The following MROH9 variants were observed in gnomAD, a reference collection of about 807,000 sequenced individuals.
MROH9 encodes maestro heat-like repeat-containing protein family member 9.
MROH9 carries 92 observed loss-of-function variants against 98.2 expected under a neutral mutation model. The observed-to-expected ratio is 0.94, with a 90% CI of 0.79 to 1.11. The LOEUF is 1.11. MROH9 is among the 50% of genes most tolerant of loss of function. MROH9 has a pLI of 0.00. For missense variants in MROH9, 1,057 were observed against 1,014.8 expected, an observed-to-expected ratio of 1.04 and a Z score of -0.57; for synonymous variants, 397 against 368.9, an observed-to-expected ratio of 1.08 and a Z score of -0.87.
chr1:170,943,939 G>A (rs1649220930), intron 1 of MROH9, among the ~76,000 whole-genome samples: 4 of 151,940 alleles, frequency 2.6e-5, no homozygotes, highest in Admixed American at 1.3e-4. Context: ...AGACATAAAG[G>A]AAGTAGGATT....
At chr1:170,943,212 T>C (rs964634198) in intron 1 of MROH9, among the ~76,000 whole-genome samples, 4 of 152,074 alleles carry the variant, frequency 2.6e-5, no homozygotes, top group African/African-American at 9.7e-5. Context: ...ATTTTATCTA[T>C]AAAATGTGAT....
In MROH9 at chr1:171,052,005, T is replaced by A. The variant is rs146160317; in HGVS notation, c.2282-10127T>A. Among the ~76,000 whole-genome samples, 13 of 152,230 alleles carry A rather than the reference T, an allele frequency of 8.5e-5. No homozygotes were observed. In the East Asian group the frequency reaches 2.5e-3, roughly 29 times the overall value. Reference sequence around the variant, plus strand: ...GTTATTGCTTGTATGTCTAGTAGAATTCAACTGTGGATCAGTCTGGTCTTG... The same window carrying A: ...GTTATTGCTTGTATGTCTAGTAGAAATCAACTGTGGATCAGTCTGGTCTTG... On this transcript the variant is annotated intron_variant, in intron 20 of 21. Transcript: ENST00000367759.
chr1:170,983,577 T>C (rs756627786), intron 9 of MROH9, 43 bp downstream of exon 9: 2 of 1,123,478 alleles, frequency 1.8e-6, no homozygotes, highest in Middle Eastern at 2.0e-4. Context: ...TGTTTATGTG[T>C]ATGATTACTC....
At chr1:170,990,676 A>G (rs116044669) in intron 11 of MROH9, among the ~76,000 whole-genome samples, 2,517 of 152,252 alleles carry the variant, frequency 0.017, 70 homozygotes, top group African/African-American at 0.058. Context: ...AGAGAGTTTT[A>G]TTTTGAAGAG....
intron 11 of MROH9, among the ~76,000 whole-genome samples, chr1:170,991,254 A>G (rs1651343544): frequency 6.6e-6 from 1 of 152,054 alleles, no homozygotes; most frequent in African/African-American, 2.4e-5. Flanking sequence ...TTGGAGTGAA[A>G]CTAAACCAAA....
intron 20 of MROH9, among the ~76,000 whole-genome samples, chr1:171,027,514 T>C (rs1264462866): frequency 2.6e-5 from 4 of 152,222 alleles, no homozygotes; most frequent in Non-Finnish European, 5.9e-5. Context: ...GCAATAAACA[T>C]ACATGTGCAC....
At chr1:171,047,037 A>G (rs1197910399) in intron 20 of MROH9, among the ~76,000 whole-genome samples, 1 of 152,116 alleles carries the variant, frequency 6.6e-6, no homozygotes, top group Non-Finnish European at 1.5e-5. Flanking sequence ...TGCCAGATGT[A>G]TTGGAGTTCC....
chr1:171,061,104 G>T (rs1281327586), intron 20 of MROH9, among the ~76,000 whole-genome samples: 2 of 152,022 alleles, frequency 1.3e-5, no homozygotes, highest in Non-Finnish European at 2.9e-5. Flanking sequence ...CATCCAAATG[G>T]CCAGTAAATA....
chr1:170,956,582 C>CT (rs869218785), intron 3 of MROH9, among the ~76,000 whole-genome samples: 6,337 of 114,578 alleles, frequency 0.055, 551 homozygotes, highest in African/African-American at 0.21. Context: ...TTTCTCTTTC[C>CT]TTTTTTTTTT....
intron 1 of MROH9, among the ~76,000 whole-genome samples, chr1:170,939,789 C>T (rs1169552450): frequency 6.6e-6 from 1 of 152,156 alleles, no homozygotes; most frequent in African/African-American, 2.4e-5. Context: ...AGCATTCAGT[C>T]TCTACTAAGG....
chr1:170,958,833 G>A (rs571969426), intron 4 of MROH9, among the ~76,000 whole-genome samples: 1 of 152,166 alleles, frequency 6.6e-6, no homozygotes, highest in Admixed American at 6.6e-5. Context: ...ACAGAAAATG[G>A]GTCAGTAATA....
At chr1:171,020,090 C>G (rs187202925) in intron 17 of MROH9, among the ~76,000 whole-genome samples, 3 of 151,990 alleles carry the variant, frequency 2.0e-5, no homozygotes, top group Non-Finnish European at 4.4e-5. Flanking sequence ...CCTGAATAGA[C>G]GAATAACAAG....
At chr1:171,048,876 A>G (rs67876550) in intron 20 of MROH9, among the ~76,000 whole-genome samples, 18,353 of 152,208 alleles carry the variant, frequency 0.12, 1,207 homozygotes, top group Middle Eastern at 0.22. Context: ...GAATGCTGCC[A>G]GGACAGACCT....
At chr1:170,947,495 C>G (rs1649377000) in intron 2 of MROH9, 32 bp from the exon 3 acceptor site, 2 of 1,596,376 alleles carry the variant, frequency 1.3e-6, no homozygotes, top group African/African-American at 2.7e-5. Flanking sequence ...TATGTTCATT[C>G]CTTTTTAACG....
Position 170,992,345 on chromosome 1 carries a change from A to T in MROH9, c.1194+16A>T. Reference sequence around the variant, plus strand: ...GCCTTTGGCGGTAAATAACACGATGAGTGTTTCTTCTTCTCAGTACTGTTT... The same window carrying T: ...GCCTTTGGCGGTAAATAACACGATGTGTGTTTCTTCTTCTCAGTACTGTTT... On this transcript the variant is annotated intron_variant, in intron 12 of 21. Transcript: ENST00000367759. The T allele has an allele frequency of 6.2e-7, 1 of 1,608,514 alleles. No homozygotes were observed. Among genetic ancestry groups the T allele is most frequent in the Non-Finnish European group, 8.5e-7 (1 of 1,176,854 alleles).
At chr1:171,016,487 G>T (rs1652331889) in intron 17 of MROH9, among the ~76,000 whole-genome samples, 151 bp downstream of exon 17, 1 of 149,614 alleles carries the variant, frequency 6.7e-6, no homozygotes, top group Non-Finnish European at 1.5e-5. Context: ...GTAAGTACTG[G>T]TCTTTTTTTT....
At chr1:170,946,261 C>T (rs888171055) in intron 2 of MROH9, among the ~76,000 whole-genome samples, 1 of 151,662 alleles carries the variant, frequency 6.6e-6, no homozygotes, top group African/African-American at 2.4e-5. Context: ...TTCCTCAAAC[C>T]TATATTCCCA....
In MROH9 at chr1:171,046,586, T is replaced by A. The variant is rs529234717; in HGVS notation, c.2282-15546T>A. Among the ~76,000 whole-genome samples, 7 of 152,316 alleles carry A rather than the reference T, an allele frequency of 4.6e-5. No homozygotes were observed. In the South Asian group the frequency reaches 1.2e-3, roughly 27 times the overall value. ...TAATTTCATCCCTCTGCTTTTTAAC[T>A]TTTTGTTGCTTCTATTTATATCTTA... On this transcript the variant is annotated intron_variant, in intron 20 of 21. Coordinates refer to ENST00000367759, the MANE Select transcript of MROH9 (RefSeq NM_001163629.2).
At chr1:171,025,229 C>G in intron 19 of MROH9, 89 bp from the exon 20 acceptor site, 1 of 735,392 alleles carries the variant, frequency 1.4e-6, no homozygotes, top group East Asian at 2.7e-5. Flanking sequence ...TAATTTGGTC[C>G]TGATTTGGTA....
Sources: allele counts gnomAD v4.1 joint callset (sites outside exome capture counted in the v4.1 genomes callset), GRCh38; gene constraint gnomAD v4.1.1; transcripts MANE v1.5; gene names NCBI Gene and HGNC (gene_info 2026-07-23, HGNC 2026-07-21).